The following PCDH15 variants were observed in gnomAD, a reference collection of about 807,000 sequenced individuals.
PCDH15 encodes protocadherin-15.
Under a neutral mutation model 178.5 loss-of-function variants are expected in PCDH15, and 129 were observed. That is an observed-to-expected ratio of 0.72 (90% CI 0.63 to 0.84). The LOEUF is 0.84. PCDH15 is among the 40% of genes least tolerant of loss of function. The pLI is 0.00. For missense variants in PCDH15, 2,230 were observed against 2,099.9 expected (o/e 1.06, Z -1.21); for synonymous variants, 800 against 732.0 (o/e 1.09, Z -1.50).
At chr10:55,559,861 C>T (rs1842161136) in intron 2 of PCDH15, among the ~76,000 whole-genome samples, 1 of 151,866 alleles carries the variant, frequency 6.6e-6, no homozygotes, top group Admixed American at 6.6e-5. Flanking sequence ...GTAGAGTTCT[C>T]TTTACATAAT....
chr10:55,281,372 GTT>G (rs573227151), intron 1 of PCDH15, among the ~76,000 whole-genome samples: 4 of 149,750 alleles, frequency 2.7e-5, no homozygotes, highest in African/African-American at 9.8e-5. Context: ...TAAATTTCAT[GTT>G]TTTTTTTAAT....
rs995360945 is a variant in PCDH15 at position 53,938,936 on chromosome 10, G to A, written c.3252C>T (p.Asn1084=). The change falls in exon 25 of 38, where the codon AAC becomes AAT. Residue 1084 remains asparagine, a synonymous_variant. Coordinates refer to ENST00000644397, the MANE Select transcript of PCDH15 (RefSeq NM_001384140.1). ...CATTCACATAGATAACACCTGTGAT[G>A]TTATTAATTCCAAATGTATCTAGAA... is the stretch of plus-strand genomic sequence containing the variant. ...GNEEDTFGIN[N]ITGVIYVNGP... is the part of the protein sequence containing the mutation. The A allele has an allele frequency of 1.9e-6, 3 of 1,612,538 alleles. No individual in the cohort carries two copies. The highest frequency in any genetic ancestry group is 1.7e-6 in the Non-Finnish European group (2 of 1,178,774).
At chr10:54,369,949 T>C (rs892682457) in intron 4 of PCDH15, among the ~76,000 whole-genome samples, 4 of 152,060 alleles carry the variant, frequency 2.6e-5, no homozygotes, top group Admixed American at 1.3e-4. Flanking sequence ...TTATACTTCA[T>C]TGTAAGCCTA....
At chr10:54,617,618 T>C (rs1409283730) in intron 2 of PCDH15, among the ~76,000 whole-genome samples, 1 of 151,602 alleles carries the variant, frequency 6.6e-6, no homozygotes, top group East Asian at 1.9e-4. Context: ...GTCATTACTA[T>C]ATATTAAAAA....
chr10:54,903,104 G>A (rs942133062), intron 2 of PCDH15, among the ~76,000 whole-genome samples: 2 of 152,050 alleles, frequency 1.3e-5, no homozygotes, highest in Non-Finnish European at 2.9e-5. Context: ...TTACTCAAAT[G>A]CAGAAAAGAG....
chr10:54,626,527 C>T (rs61855879), intron 2 of PCDH15, among the ~76,000 whole-genome samples: 1,553 of 152,294 alleles, frequency 0.01, 12 homozygotes, highest in Non-Finnish European at 0.017. Context: ...TGAGCCTTGG[C>T]AGTTTCCACG....
chr10:54,378,391 G>A (rs1948754585), intron 4 of PCDH15, among the ~76,000 whole-genome samples: 1 of 151,836 alleles, frequency 6.6e-6, no homozygotes, highest in Admixed American at 6.6e-5. Flanking sequence ...GTAAAAGCAG[G>A]CTCCTGTGAG....
intron 8 of PCDH15, among the ~76,000 whole-genome samples, chr10:54,309,503 A>G (rs2060767590): frequency 6.6e-6 from 1 of 152,082 alleles, no homozygotes; most frequent in Admixed American, 6.6e-5. Context: ...AAATATGCAA[A>G]AAATATCAGG....
intron 2 of PCDH15, among the ~76,000 whole-genome samples, chr10:54,574,506 T>G (rs2090233131): frequency 1.3e-5 from 2 of 151,654 alleles, no homozygotes; most frequent in African/African-American, 4.8e-5. Context: ...AACAGACACT[T>G]CTCAAAAGAA....
chr10:55,210,922 G>T (rs1226230819), intron 1 of PCDH15, among the ~76,000 whole-genome samples: 1 of 151,762 alleles, frequency 6.6e-6, no homozygotes, highest in African/African-American at 2.4e-5. Context: ...CACCGTGTCC[G>T]GTCTGATGAT....
At chr10:54,813,368 T>C (rs1320716699) in intron 3 of PCDH15, among the ~76,000 whole-genome samples, 1 of 152,168 alleles carries the variant, frequency 6.6e-6, no homozygotes, top group Non-Finnish European at 1.5e-5. Flanking sequence ...CATGTGGTTA[T>C]ACCAGAAACT....
intron 1 of PCDH15, among the ~76,000 whole-genome samples, chr10:55,303,534 G>A (rs560985344): frequency 6.6e-6 from 1 of 152,276 alleles, no homozygotes; most frequent in Non-Finnish European, 1.5e-5. Context: ...AGGAATGAGG[G>A]TTTTGAACTG....
chr10:55,083,058 A>G (rs528669647), intron 2 of PCDH15, among the ~76,000 whole-genome samples: 1 of 152,048 alleles, frequency 6.6e-6, no homozygotes, highest in South Asian at 2.1e-4. Flanking sequence ...AAAGTCAGTA[A>G]GTATAGTACT....
chr10:54,275,627 A>G (rs570281904), intron 8 of PCDH15, among the ~76,000 whole-genome samples: 113 of 151,974 alleles, frequency 7.4e-4, no homozygotes, highest in African/African-American at 2.6e-3. Context: ...TGGTGTCATT[A>G]CAACCAAAAT....
At chr10:55,119,726 T>C (rs1375706740) in intron 2 of PCDH15, among the ~76,000 whole-genome samples, 1 of 152,158 alleles carries the variant, frequency 6.6e-6, no homozygotes, top group African/African-American at 2.4e-5. Context: ...ACTATGTTCC[T>C]CTCAGGAGGG....
At chr10:55,610,988 A>C (rs1843354775) in intron 2 of PCDH15, among the ~76,000 whole-genome samples, 1 of 152,160 alleles carries the variant, frequency 6.6e-6, no homozygotes, top group African/African-American at 2.4e-5. Context: ...TTGTAGAATA[A>C]AAGAATCTCA....
At chr10:54,401,372 T>A (rs1385351911) in intron 3 of PCDH15, among the ~76,000 whole-genome samples, 3 of 151,706 alleles carry the variant, frequency 2.0e-5, no homozygotes, top group Non-Finnish European at 2.9e-5. Context: ...AAAAAAAAAA[T>A]TGACATTTTA....
rs1243988739 is a variant in PCDH15 at position 54,424,040 on chromosome 10, T to C, written c.158-45098A>G. 2.0e-5 allele frequency among the ~76,000 whole-genome samples: 3 copies of C among 151,866 alleles called. 1 individual carries two copies. The highest frequency in any genetic ancestry group is 7.3e-5 in the African/African-American group (3 of 41,166). ...GGATCTAATTAAACTACAGAGCTTC[T>C]GCACAGCAAAAGAAACTACCATCAG... On this transcript the variant is annotated intron_variant, in intron 3 of 37. Coordinates refer to ENST00000644397, the MANE Select transcript of PCDH15 (RefSeq NM_001384140.1).
intron 3 of PCDH15, among the ~76,000 whole-genome samples, chr10:54,429,784 T>C (rs9415327): frequency 0.05 from 7,577 of 152,114 alleles, 647 homozygotes; most frequent in African/African-American, 0.17. Flanking sequence ...AGCAAGAGGA[T>C]AAAATGATTG....
Sources: allele counts gnomAD v4.1 joint callset (sites outside exome capture counted in the v4.1 genomes callset), GRCh38; gene constraint gnomAD v4.1.1; transcripts MANE v1.5; gene names NCBI Gene and HGNC (gene_info 2026-07-23, HGNC 2026-07-21).